Variants in ZRANB3 observed in about 807,000 individuals in gnomAD.
The protein encoded by ZRANB3 is DNA annealing helicase and endonuclease ZRANB3.
In ZRANB3, 125 loss-of-function variants were observed where a neutral mutation model predicts 133.8. That is an observed-to-expected ratio of 0.93 (90% CI 0.81 to 1.08). ZRANB3 has a LOEUF of 1.08. Ranked by LOEUF, ZRANB3 falls within the 50% of genes least tolerant of loss-of-function variation. ZRANB3 has a pLI of 0.00. For missense variants in ZRANB3, 1,229 were observed against 1,275.5 expected, an observed-to-expected ratio of 0.96 and a Z score of 0.56; for synonymous variants, 387 against 432.7, an observed-to-expected ratio of 0.89 and a Z score of 1.31.
At chr2:135,317,629 G>C (rs1683327482) in intron 6 of ZRANB3, among the ~76,000 whole-genome samples, 1 of 152,152 alleles carries the variant, frequency 6.6e-6, no homozygotes, top group African/African-American at 2.4e-5. Context: ...CTCCCAAAAT[G>C]CAGATCTGTT....
intron 6 of ZRANB3, among the ~76,000 whole-genome samples, chr2:135,337,557 T>A (rs993840265): frequency 1.3e-5 from 2 of 152,194 alleles, no homozygotes; most frequent in African/African-American, 4.8e-5. Context: ...AAAATCATTA[T>A]AGTCATTTCC....
At chr2:135,417,585 A>G (rs528176835) in intron 2 of ZRANB3, among the ~76,000 whole-genome samples, 17 of 152,322 alleles carry the variant, frequency 1.1e-4, no homozygotes, top group African/African-American at 4.1e-4. Context: ...TAGAAATACC[A>G]TTTGACCCAG....
chr2:135,222,942 C>T (rs1264723698), intron 15 of ZRANB3, among the ~76,000 whole-genome samples: 1 of 151,620 alleles, frequency 6.6e-6, no homozygotes, highest in Non-Finnish European at 1.5e-5. Context: ...AAGACCCTCT[C>T]TCTCCAAAAA....
intron 6 of ZRANB3, among the ~76,000 whole-genome samples, chr2:135,330,957 C>T (rs1223497347): frequency 6.6e-6 from 1 of 152,030 alleles, no homozygotes; most frequent in Non-Finnish European, 1.5e-5. Context: ...ATTAGTCTTG[C>T]TAGTAGTCTA....
At chr2:135,433,837 TAAAAA>T (rs34672992) in intron 2 of ZRANB3, among the ~76,000 whole-genome samples, 1 of 149,688 alleles carries the variant, frequency 6.7e-6, no homozygotes, top group Non-Finnish European at 1.5e-5. Context: ...TCTACTAAAA[TAAAAA>T]AAAAATTAGC....
At chr2:135,373,225 T>G (rs566644272) in intron 3 of ZRANB3, among the ~76,000 whole-genome samples, 1 of 152,212 alleles carries the variant, frequency 6.6e-6, no homozygotes, top group East Asian at 1.9e-4. Context: ...AGAAATACAT[T>G]CTCAGGCACT....
intron 1 of ZRANB3, among the ~76,000 whole-genome samples, chr2:135,513,762 T>G (rs974224533): frequency 1.3e-5 from 2 of 151,272 alleles, no homozygotes; most frequent in Non-Finnish European, 2.9e-5. Context: ...TTTTAGGTCT[T>G]ATGTTTAAGT....
intron 2 of ZRANB3, among the ~76,000 whole-genome samples, chr2:135,461,829 C>T (rs1018489017): frequency 6.6e-6 from 1 of 152,076 alleles, no homozygotes; most frequent in Non-Finnish European, 1.5e-5. Flanking sequence ...AGTTTCTTCA[C>T]TAGCAAAATG....
intron 2 of ZRANB3, among the ~76,000 whole-genome samples, chr2:135,485,288 G>A (rs75688310): frequency 2.2e-3 from 337 of 152,200 alleles, no homozygotes; most frequent in African/African-American, 7.8e-3. Context: ...AGCAACACAC[G>A]ATGATATGTA....
At chr2:135,382,263 T>A (rs1300647427) in intron 3 of ZRANB3, among the ~76,000 whole-genome samples, 2 of 151,928 alleles carry the variant, frequency 1.3e-5, no homozygotes, top group African/African-American at 4.8e-5. Context: ...ATCAAATGAA[T>A]GAAATGAAGC....
Position 135,377,453 on chromosome 2 carries a change from G to A in ZRANB3, c.180+13349C>T, listed in dbSNP as rs929862253. On this transcript the variant is annotated intron_variant, in intron 3 of 20. Transcript: ENST00000264159. ...AATGACTGATTCTAGACTGGGACAA[G>A]AAATGCATAGATGAGCCTGAAGCAT... 3.9e-5 allele frequency among the ~76,000 whole-genome samples: 6 copies of A among 151,978 alleles called. No individual in the cohort carries two copies. The South Asian group carries it at 6.2e-4, about 16-fold the overall frequency.
At chr2:135,351,271 T>C (rs993990982) in intron 4 of ZRANB3, among the ~76,000 whole-genome samples, 13 of 147,784 alleles carry the variant, frequency 8.8e-5, no homozygotes, top group Middle Eastern at 6.9e-3. Context: ...TTTTCTTTTT[T>C]TTTTTTTTTT....
intron 2 of ZRANB3, among the ~76,000 whole-genome samples, chr2:135,397,887 T>A (rs1374182652): frequency 6.6e-6 from 1 of 152,016 alleles, no homozygotes; most frequent in Admixed American, 6.6e-5. Context: ...CCAAAACATA[T>A]ACAAGGAGGA....
At chr2:135,503,338 T>A (rs895750446) in intron 2 of ZRANB3, among the ~76,000 whole-genome samples, 4 of 152,196 alleles carry the variant, frequency 2.6e-5, no homozygotes, top group Admixed American at 2.6e-4. Flanking sequence ...GATAAATACG[T>A]GATAGACCAA....
chr2:135,409,098 G>A (rs564751936), intron 2 of ZRANB3, among the ~76,000 whole-genome samples: 15 of 152,248 alleles, frequency 9.9e-5, no homozygotes, highest in African/African-American at 2.6e-4. Context: ...GAGGGCCACA[G>A]GAAACTTACA....
At chr2:135,300,566 T>G (rs1682379471) in intron 8 of ZRANB3, among the ~76,000 whole-genome samples, 1 of 152,144 alleles carries the variant, frequency 6.6e-6, no homozygotes, top group African/African-American at 2.4e-5. Flanking sequence ...AAAATATATC[T>G]CCTATTTTTT....
chr2:135,382,496 C>T (rs933495905), intron 3 of ZRANB3, among the ~76,000 whole-genome samples: 5 of 152,064 alleles, frequency 3.3e-5, no homozygotes, highest in East Asian at 1.9e-4. Flanking sequence ...CAGAGAATGC[C>T]ACAAAGATAC....
intron 17 of ZRANB3, among the ~76,000 whole-genome samples, chr2:135,214,120 T>C (rs1694210660): frequency 6.6e-6 from 1 of 152,214 alleles, no homozygotes; most frequent in East Asian, 1.9e-4. Flanking sequence ...GATTTCTGCC[T>C]TGTAAAATCC....
At chr2:135,347,561 C>T (rs551758061) in intron 5 of ZRANB3, among the ~76,000 whole-genome samples, 1 of 152,264 alleles carries the variant, frequency 6.6e-6, no homozygotes, top group East Asian at 1.9e-4. Context: ...GGATCACAGG[C>T]GTGAGCCATT....
Sources: gnomAD v4.1 joint callset for allele counts (sites outside exome capture counted in the v4.1 genomes callset) on GRCh38, gnomAD v4.1.1 for gene constraint, MANE v1.5 for transcripts, NCBI Gene and HGNC (gene_info 2026-07-23, HGNC 2026-07-21) for gene names.